STAB2: variants seen among roughly 807,000 people sequenced by gnomAD.
STAB2 encodes stabilin-2.
STAB2 carries 288 observed loss-of-function variants against 338.1 expected under a neutral mutation model. The observed-to-expected ratio is 0.85, with a 90% CI of 0.77 to 0.94. The LOEUF is 0.94. STAB2 is among the 40% of genes least tolerant of loss of function. STAB2 has a pLI of 0.00. For synonymous variants in STAB2, 1,202 were observed against 1,193.3 expected (o/e 1.01, Z -0.15); for missense variants, 3,141 against 3,210.1 (o/e 0.98, Z 0.52).
chr12:103,690,094 C>T (rs1877795278), intron 29 of STAB2, 112 bp downstream of exon 29: 1 of 1,442,270 alleles, frequency 6.9e-7, no homozygotes. Context: ...TGGAGCTGAA[C>T]ATGTTCTAGG....
At chr12:103,724,315 G>A (rs1881009456) in intron 44 of STAB2, among the ~76,000 whole-genome samples, 1 of 152,196 alleles carries the variant, frequency 6.6e-6, no homozygotes, top group Admixed American at 6.5e-5. Flanking sequence ...GACCTCTGCA[G>A]GAAGAGGTGA....
rs759249838 is a variant in STAB2 at position 103,590,974 on chromosome 12, G to A, written c.159G>A (p.Lys53=). ...CRSCALNLGV[K]CPDGYTMITS... Reference sequence around the variant, plus strand: ...CCTGCGCTCTCAACCTTGGAGTCAAGTGCCCGGATGGTTACACCATGATTA... The same window carrying A: ...CCTGCGCTCTCAACCTTGGAGTCAAATGCCCGGATGGTTACACCATGATTA... Residue 53 remains lysine (K), a synonymous_variant, in exon 2 of 69, where the codon AAG becomes AAA. Transcript: ENST00000388887. The A allele has an allele frequency of 1.2e-6, 2 of 1,614,078 alleles. No homozygotes were observed. Among genetic ancestry groups the A allele is most frequent in the Non-Finnish European group, 1.7e-6 (2 of 1,180,010 alleles).
Position 103,655,276 on chromosome 12 carries a change from C to A in STAB2, c.1577C>A (p.Pro526Gln), listed in dbSNP as rs766697980. 1 of 1,612,968 alleles carries A rather than the reference C, an allele frequency of 6.2e-7. No individual in the cohort carries two copies. Among genetic ancestry groups the A allele is most frequent in the Non-Finnish European group, 8.5e-7 (1 of 1,179,698 alleles). ...NEQTIMTMLQ[P>Q]RYSKFRSLLE... ...CAAACCATAATGACAATGCTACAACCAAGGTACAGCAAGTTCAGATCTTTG... is the reference window on the plus strand; with the variant it reads ...CAAACCATAATGACAATGCTACAACAAAGGTACAGCAAGTTCAGATCTTTG... The change falls in exon 14 of 69, where the codon CCA becomes CAA. Residue 526 changes from proline to glutamine, a missense_variant. Physicochemically the swap from Pro to Gln is moderately conservative, Grantham distance 76. Coordinates refer to ENST00000388887, the MANE Select transcript of STAB2 (RefSeq NM_017564.10).
intron 3 of STAB2, among the ~76,000 whole-genome samples, chr12:103,613,793 T>A (rs572518071): frequency 6.6e-6 from 1 of 152,306 alleles, no homozygotes; most frequent in African/African-American, 2.4e-5. Context: ...CTGAGAGCTG[T>A]AGACTGGAGC....
intron 58 of STAB2, 57 bp from the exon 59 acceptor site, chr12:103,748,906 G>A: frequency 1.3e-6 from 2 of 1,562,298 alleles, no homozygotes; most frequent in Non-Finnish European, 8.7e-7. Context: ...ACCCTGACCT[G>A]AAGCCCTAGT....
chr12:103,712,736 A>G (rs1361668623), intron 41 of STAB2, among the ~76,000 whole-genome samples: 4 of 152,252 alleles, frequency 2.6e-5, no homozygotes, highest in African/African-American at 9.6e-5. Context: ...TCTATACATT[A>G]TGACAGCATT....
chr12:103,590,783 T>C (rs1349924093), intron 1 of STAB2, 114 bp from the exon 2 acceptor site: 23 of 1,270,060 alleles, frequency 1.8e-5, no homozygotes, highest in Non-Finnish European at 2.5e-5. Flanking sequence ...TCACCATCCC[T>C]GACGTTCCAT....
chr12:103,709,452 GAA>G (rs1879655369), intron 39 of STAB2, among the ~76,000 whole-genome samples: 1 of 152,184 alleles, frequency 6.6e-6, no homozygotes, highest in South Asian at 2.1e-4. Flanking sequence ...TGGCACTTAA[GAA>G]AAATCATTCA....
intron 49 of STAB2, among the ~76,000 whole-genome samples, chr12:103,730,545 C>A (rs1217273751): frequency 6.6e-6 from 1 of 151,996 alleles, no homozygotes; most frequent in African/African-American, 2.4e-5. Flanking sequence ...GAGTAAAATT[C>A]CTTCTAAATT....
At position 103,753,248 on chromosome 12, in the gene STAB2, C is replaced by T. The variant is rs1476118558; in HGVS notation, c.6609C>T (p.Arg2203=). 1.2e-6 allele frequency: 2 copies of T among 1,614,242 alleles called. No homozygotes were observed. The highest frequency in any genetic ancestry group is 8.5e-7 in the Non-Finnish European group (1 of 1,180,034). ...QDTTVGVFHL[R]SPLGQYKLTF... ...CCACTGTTGGGGTGTTCCATCTACG[C>T]TCCCCACTGGGCCAGTATAAGCTGA... Residue 2203 remains arginine, a synonymous_variant, in exon 61 of 69, where the codon CGC becomes CGT. Transcript: ENST00000388887.
intron 65 of STAB2, among the ~76,000 whole-genome samples, chr12:103,760,983 G>A (rs1025493469): frequency 8.3e-6 from 1 of 120,818 alleles, no homozygotes. Context: ...TGGACGCAGC[G>A]TCCACAGGCA....
At chr12:103,744,172 C>T (rs2139133984) in intron 56 of STAB2, among the ~76,000 whole-genome samples, 2 of 151,706 alleles carry the variant, frequency 1.3e-5, no homozygotes, top group Non-Finnish European at 2.9e-5. Context: ...GAGACAAAAT[C>T]TCACTCTATC....
At chr12:103,589,162 C>T (rs1422233827) in intron 1 of STAB2, among the ~76,000 whole-genome samples, 1 of 152,138 alleles carries the variant, frequency 6.6e-6, no homozygotes. Flanking sequence ...AACCAATAAT[C>T]GTTCTGAAGA....
At position 103,724,972 on chromosome 12, in the gene STAB2, C is replaced by T. The variant is rs750719312; in HGVS notation, c.4684-3C>T. 6 of 1,613,106 alleles carry T rather than the reference C, an allele frequency of 3.7e-6. No homozygotes were observed. The highest frequency in any genetic ancestry group is 2.7e-5 in the African/African-American group (2 of 74,918). ...ATCCCTTGCCCCTTGGCAATTTTAC[C>T]AGAAAAATGGCGGCTGTAGTGAATT... On this transcript the variant is annotated splice_polypyrimidine_tract_variant and splice_region_variant and intron_variant, in intron 44 of 68. Transcript: ENST00000388887.
intron 6 of STAB2, among the ~76,000 whole-genome samples, chr12:103,633,673 C>T (rs1387655510): frequency 2.0e-5 from 3 of 152,188 alleles, no homozygotes; most frequent in Non-Finnish European, 4.4e-5. Context: ...CAGACTGAGA[C>T]TCCGTCTCAA....
At chr12:103,666,602 C>T (rs561261916) in intron 19 of STAB2, among the ~76,000 whole-genome samples, 1 of 152,242 alleles carries the variant, frequency 6.6e-6, no homozygotes, top group Non-Finnish European at 1.5e-5. Context: ...ATGATAATAA[C>T]AAAAAGATTC....
In STAB2 at chr12:103,640,399, G is replaced by T. The variant is rs1197194799; in HGVS notation, c.1040+143G>T. On this transcript the variant is annotated intron_variant, in intron 9 of 68. Transcript: ENST00000388887. ...ACCCCACATAGTAGGAGCAAGGATT[G>T]TAGTAGGTACTCAATAAATCTTTAA... 4 of 1,020,358 alleles carry T rather than the reference G, an allele frequency of 3.9e-6. No individual in the cohort carries two copies. In the African/African-American group the frequency reaches 6.4e-5, roughly 16 times the overall value. 63.2% of individuals were successfully genotyped at this position (1,020,358 alleles called of 1,614,324 possible). A position where few individuals can be genotyped will look rare whatever the true frequency, so the allele number is the denominator to read the frequency against.
intron 68 of STAB2, 31 bp downstream of exon 68, chr12:103,763,639 T>C: frequency 6.3e-7 from 1 of 1,577,276 alleles, no homozygotes. Flanking sequence ...AGGAATAGGT[T>C]CCCTTGGGGT....
At chr12:103,716,845 G>T (rs1880357382) in intron 43 of STAB2, among the ~76,000 whole-genome samples, 1 of 152,150 alleles carries the variant, frequency 6.6e-6, no homozygotes, top group Admixed American at 6.5e-5. Flanking sequence ...AGTCCTAGGG[G>T]GCAGTAAAGG....
Sources: allele counts gnomAD v4.1 joint callset (sites outside exome capture counted in the v4.1 genomes callset), GRCh38; gene constraint gnomAD v4.1.1; transcripts MANE v1.5; gene names NCBI Gene and HGNC (gene_info 2026-07-23, HGNC 2026-07-21).